The following AEBP2 variants were observed in gnomAD, a reference collection of about 807,000 sequenced individuals.
AEBP2 encodes AE binding protein 2, also known as zinc finger protein AEBP2.
AEBP2 carries 10 observed loss-of-function variants against 50.8 expected under a neutral mutation model. The observed-to-expected ratio is 0.20, with a 90% confidence interval of 0.12 to 0.33. The LOEUF is 0.33. AEBP2 is among the 10% of genes least tolerant of loss of function. The pLI, the probability that AEBP2 is intolerant of heterozygous loss-of-function variation, is 1.00. For synonymous variants in AEBP2, 296 were observed against 261.3 expected, an observed-to-expected ratio of 1.13 and a Z score of -1.28; for missense variants, 570 against 688.0, an observed-to-expected ratio of 0.83 and a Z score of 1.92.
chr12:19,499,307 A>G (rs1949032150), intron 4 of AEBP2, among the ~76,000 whole-genome samples: 1 of 152,108 alleles, frequency 6.6e-6, no homozygotes, highest in Non-Finnish European at 1.5e-5. Context: ...AATCAAGAAA[A>G]TACTTGTCAA....
intron 1 of AEBP2, among the ~76,000 whole-genome samples, chr12:19,443,367 G>A (rs943748406): frequency 1.3e-5 from 2 of 151,432 alleles, no homozygotes; most frequent in Non-Finnish European, 2.9e-5. Context: ...AAAGTGCTGG[G>A]ATTACAGGAG....
intron 5 of AEBP2, among the ~76,000 whole-genome samples, chr12:19,507,461 C>T (rs1045573911): frequency 2.6e-5 from 4 of 152,146 alleles, no homozygotes; most frequent in African/African-American, 7.2e-5. Flanking sequence ...AAAATTTGCG[C>T]AGACTCAAAA....
rs1464408279 is a variant in AEBP2 at position 19,493,709 on chromosome 12, A to G, written c.988-91A>G. 5 of 1,222,796 alleles carry G rather than the reference A, an allele frequency of 4.1e-6. No homozygotes were observed. The African/African-American group carries it at 4.6e-5, about 11-fold the overall frequency. The allele number at this position is 1,222,796 out of a possible 1,614,324, so 75.7% of individuals were successfully genotyped here. A position where few individuals can be genotyped will look rare whatever the true frequency, so the allele number is the denominator to read the frequency against. Reference sequence around the variant, plus strand: ...ATTAGTTCTATTGTACTACTTATTTACTTCCGAAAATACTAGATATTCACT... The same window carrying G: ...ATTAGTTCTATTGTACTACTTATTTGCTTCCGAAAATACTAGATATTCACT... On this transcript the variant is annotated intron_variant, in intron 3 of 7. Coordinates refer to ENST00000266508, the MANE Select transcript of AEBP2 (RefSeq NM_153207.5).
At chr12:19,480,189 G>C (rs1432659958) in intron 3 of AEBP2, among the ~76,000 whole-genome samples, 1 of 152,140 alleles carries the variant, frequency 6.6e-6, no homozygotes, top group African/African-American at 2.4e-5. Context: ...TGCAACCTCA[G>C]CCTCTTGGGT....
chr12:19,468,375 TTA>T (rs1159849741), intron 2 of AEBP2, among the ~76,000 whole-genome samples: 12 of 152,134 alleles, frequency 7.9e-5, no homozygotes, highest in Non-Finnish European at 1.6e-4. Context: ...CTCAGTATAA[TTA>T]GGCCTTTATT....
intron 1 of AEBP2, among the ~76,000 whole-genome samples, chr12:19,460,881 C>T (rs578121451): frequency 1.3e-5 from 2 of 152,122 alleles, no homozygotes; most frequent in Middle Eastern, 3.4e-3. Flanking sequence ...GTCTCGATCT[C>T]CTGATCTTGT....
intron 1 of AEBP2, among the ~76,000 whole-genome samples, chr12:19,407,492 C>T (rs565563719): frequency 4.6e-5 from 7 of 152,028 alleles, no homozygotes; most frequent in East Asian, 3.9e-4. Flanking sequence ...TTAGTAGAGA[C>T]GGGGTTTCAC....
At chr12:19,500,958 A>G (rs1169251972) in intron 5 of AEBP2, among the ~76,000 whole-genome samples, 1 of 152,142 alleles carries the variant, frequency 6.6e-6, no homozygotes, top group African/African-American at 2.4e-5. Flanking sequence ...AGTTTGGTGT[A>G]ATTAAGTTAA....
intron 2 of AEBP2, among the ~76,000 whole-genome samples, chr12:19,463,997 C>A (rs1948425828): frequency 6.6e-6 from 1 of 152,136 alleles, no homozygotes; most frequent in Non-Finnish European, 1.5e-5. Flanking sequence ...TCATCCCTGT[C>A]ACAATATATT....
chr12:19,479,355 A>G (rs889731997), intron 3 of AEBP2, among the ~76,000 whole-genome samples: 2 of 152,144 alleles, frequency 1.3e-5, no homozygotes, highest in Non-Finnish European at 2.9e-5. Flanking sequence ...GTCCCCCACT[A>G]TTATTTGGAA....
intron 3 of AEBP2, among the ~76,000 whole-genome samples, chr12:19,491,952 T>C (rs762750106): frequency 2.0e-5 from 3 of 152,184 alleles, no homozygotes; most frequent in Non-Finnish European, 4.4e-5. Context: ...AGGAAAGTTA[T>C]GATTTTTACA....
intron 2 of AEBP2, among the ~76,000 whole-genome samples, chr12:19,467,035 T>G (rs1339142769): frequency 6.6e-6 from 1 of 152,232 alleles, no homozygotes; most frequent in Non-Finnish European, 1.5e-5. Flanking sequence ...AAGTGGAGTT[T>G]AGATTTTCCT....
Position 19,512,539 on chromosome 12 carries a change from T to C in AEBP2, c.1367+74T>C, listed in dbSNP as rs1775117694. The C allele has an allele frequency of 7.3e-6, 7 of 957,468 alleles. No individual in the cohort carries two copies. In the South Asian group the frequency reaches 1.2e-4, roughly 17 times the overall value. The allele number at this position is 957,468 out of a possible 1,614,324, so 59.3% of individuals were successfully genotyped here. On this transcript the variant is annotated intron_variant, in intron 6 of 7. Coordinates refer to ENST00000266508, the MANE Select transcript of AEBP2 (RefSeq NM_153207.5). ...TTGTTAAAATCTTACACACAAAAAT[T>C]ATTTATTAAATTCAAATAAAAAGAA...
At chr12:19,491,266 A>G (rs1022208314) in intron 3 of AEBP2, among the ~76,000 whole-genome samples, 2 of 152,200 alleles carry the variant, frequency 1.3e-5, no homozygotes, top group African/African-American at 4.8e-5. Context: ...CAGAGTCTGT[A>G]GGTGAAAATT....
intron 2 of AEBP2, among the ~76,000 whole-genome samples, chr12:19,464,153 A>G (rs1948429413): frequency 6.6e-6 from 1 of 152,234 alleles, no homozygotes; most frequent in South Asian, 2.1e-4. Flanking sequence ...AACTGTGTCC[A>G]TCATATGGTA....
At chr12:19,446,118 T>G (rs992902064) in intron 1 of AEBP2, 8 of 152,214 alleles carry the variant, frequency 5.3e-5, no homozygotes, top group Non-Finnish European at 1.2e-4. Flanking sequence ...TGGTCTAACC[T>G]ATGATTAATT....
In AEBP2 at chr12:19,462,571, A is replaced by G. The variant is rs1477358073; in HGVS notation, c.733A>G (p.Met245Val). 2 of 1,613,852 alleles carry G rather than the reference A, an allele frequency of 1.2e-6. No individual in the cohort carries two copies. The highest frequency in any genetic ancestry group is 1.7e-5 in the Admixed American group (1 of 59,990). ...TTCCAGTGGGCGTTCAACTCCAGCA[A>G]TGATGAATGGACAAGGAAGCACTAC... The part of the protein sequence containing the change: ...TISSGRSTPA[M>V]MNGQGSTTSS... Residue 245 changes from methionine (M) to valine (V), a missense_variant, in exon 2 of 8, where the codon ATG becomes GTG. Physicochemically the swap from Met to Val is conservative, Grantham distance 21. Transcript: ENST00000266508.
At chr12:19,438,323 C>T (rs1947882389), upstream of AEBP2, among the ~76,000 whole-genome samples, 1 of 152,070 alleles carries the variant, frequency 6.6e-6, no homozygotes, top group Admixed American at 6.6e-5. Flanking sequence ...GCATATAATG[C>T]GAAAGGCATT....
At chr12:19,470,005 A>G (rs978856599) in intron 2 of AEBP2, among the ~76,000 whole-genome samples, 1 of 152,146 alleles carries the variant, frequency 6.6e-6, no homozygotes, top group African/African-American at 2.4e-5. Context: ...TAGCATAAAA[A>G]TGTTTTTCAG....
Sources: allele counts gnomAD v4.1 joint callset (sites outside exome capture counted in the v4.1 genomes callset), GRCh38; gene constraint gnomAD v4.1.1; transcripts MANE v1.5; gene names NCBI Gene and HGNC (gene_info 2026-07-23, HGNC 2026-07-21).